Variants in RTN1 observed in about 807,000 individuals in gnomAD.
RTN1 encodes the protein reticulon 1, also known as reticulon-1.
RTN1 carries 25 observed loss-of-function variants against 65.5 expected under a neutral mutation model. The ratio of observed to expected loss-of-function variants is 0.38; its 90% CI spans 0.28 to 0.53. The LOEUF is 0.53. RTN1 is among the 20% of genes least tolerant of loss of function. The pLI is 0.79. For missense variants in RTN1, 983 were observed against 1,025.4 expected (o/e 0.96, Z 0.57); for synonymous variants, 471 against 447.6 (o/e 1.05, Z -0.66).
chr14:59,749,567 A>ATCTATC, intron 1 of RTN1, among the ~76,000 whole-genome samples: 1 of 38,762 alleles, frequency 2.6e-5, no homozygotes, highest in African/African-American at 2.4e-4. Flanking sequence ...ATCTATATAT[A>ATCTATC]GATATATATA....
At chr14:59,669,015 A>T (rs1187819696) in intron 3 of RTN1, among the ~76,000 whole-genome samples, 1 of 152,160 alleles carries the variant, frequency 6.6e-6, no homozygotes, top group African/African-American at 2.4e-5. Flanking sequence ...TGGGAGTGTA[A>T]ATTAGTTCAA....
chr14:59,749,123 T>G (rs1334632298), intron 1 of RTN1, among the ~76,000 whole-genome samples: 3 of 49,900 alleles, frequency 6.0e-5, no homozygotes, highest in Admixed American at 5.4e-4. Context: ...TATATATATA[T>G]AGATATATCT....
intron 1 of RTN1, among the ~76,000 whole-genome samples, chr14:59,789,545 A>G (rs987346580): frequency 1.3e-5 from 2 of 152,170 alleles, no homozygotes; most frequent in Non-Finnish European, 2.9e-5. Flanking sequence ...TGAAAGCCTC[A>G]TTGAAATGGA....
rs1386169097 is a variant in RTN1, at chr14:59,749,348, CTATA to C, written c.242-2871_242-2868del. ...TATATCTATATATATCTATATATAT[CTATA>C]TATATCTATATATATATCTATATAT... is the stretch of plus-strand genomic sequence containing the variant. On this transcript the variant is annotated intron_variant, in intron 1 of 8. Coordinates refer to ENST00000267484, the MANE Select transcript of RTN1 (RefSeq NM_021136.3). Among the ~76,000 whole-genome samples the C allele has an allele frequency of 4.5e-4, 15 of 33,490 alleles. 1 individual carries two copies. The highest frequency in any genetic ancestry group is 3.3e-3 in the South Asian group (4 of 1,214). The allele number at this position is 33,490 out of a possible 152,430, so 22.0% of individuals were successfully genotyped here.
chr14:59,602,677 A>C (rs1881616386), intron 8 of RTN1, among the ~76,000 whole-genome samples: 1 of 152,158 alleles, frequency 6.6e-6, no homozygotes, highest in South Asian at 2.1e-4. Flanking sequence ...AATTAGTGCT[A>C]TTCATTGTTT....
chr14:59,685,165 C>T (rs989999075), intron 3 of RTN1, among the ~76,000 whole-genome samples: 1 of 151,618 alleles, frequency 6.6e-6, no homozygotes, highest in Admixed American at 6.6e-5. Context: ...TAGGAATGTA[C>T]CTCAACACAA....
intron 1 of RTN1, among the ~76,000 whole-genome samples, chr14:59,842,637 T>C (rs1486708494): frequency 6.6e-6 from 1 of 152,180 alleles, no homozygotes; most frequent in Non-Finnish European, 1.5e-5. Flanking sequence ...TTGGCACTTA[T>C]AGAACATTTA....
intron 3 of RTN1, among the ~76,000 whole-genome samples, chr14:59,658,416 C>G (rs1173183712): frequency 6.6e-6 from 1 of 152,230 alleles, no homozygotes; most frequent in African/African-American, 2.4e-5. Context: ...CAAGTGGGTC[C>G]CTGACCCCTG....
At chr14:59,663,260 T>A (rs12885515) in intron 3 of RTN1, among the ~76,000 whole-genome samples, 44,281 of 152,020 alleles carry the variant, frequency 0.29, 7,546 homozygotes, top group Admixed American at 0.43. Context: ...TATACAAAAG[T>A]TAACTCGAGA....
At chr14:59,674,669 G>C (rs1171815920) in intron 3 of RTN1, among the ~76,000 whole-genome samples, 1 of 152,124 alleles carries the variant, frequency 6.6e-6, no homozygotes, top group Admixed American at 6.5e-5. Flanking sequence ...GTGTGTGTAT[G>C]TTATTCAACA....
At chr14:59,773,789 C>T (rs1886002364) in intron 1 of RTN1, among the ~76,000 whole-genome samples, 1 of 151,916 alleles carries the variant, frequency 6.6e-6, no homozygotes, top group Non-Finnish European at 1.5e-5. Context: ...TTTCTTCTAC[C>T]CTGGTTTCTA....
intron 1 of RTN1, among the ~76,000 whole-genome samples, chr14:59,759,146 A>G (rs1325549896): frequency 6.6e-6 from 1 of 152,230 alleles, no homozygotes; most frequent in East Asian, 1.9e-4. Flanking sequence ...ACAAAGAAGA[A>G]GGATTGGAAG....
At chr14:59,625,609 C>T (rs1882374989) in intron 3 of RTN1, among the ~76,000 whole-genome samples, 1 of 152,108 alleles carries the variant, frequency 6.6e-6, no homozygotes, top group Admixed American at 6.6e-5. Context: ...CCTTTAGTTT[C>T]ATTTTTATGC....
intron 3 of RTN1, among the ~76,000 whole-genome samples, chr14:59,706,846 G>T (rs571036838): frequency 6.6e-6 from 1 of 152,330 alleles, no homozygotes; most frequent in Non-Finnish European, 1.5e-5. Context: ...TAGCACTTAG[G>T]ATTGACAGGA....
intron 1 of RTN1, among the ~76,000 whole-genome samples, chr14:59,861,864 C>T (rs1887716360): frequency 1.3e-5 from 2 of 152,076 alleles, no homozygotes; most frequent in African/African-American, 4.8e-5. Flanking sequence ...TTCCAAAAGC[C>T]TCCCAATTGC....
At chr14:59,853,658 T>A (rs1001362097) in intron 1 of RTN1, among the ~76,000 whole-genome samples, 2 of 152,088 alleles carry the variant, frequency 1.3e-5, no homozygotes, top group African/African-American at 4.8e-5. Context: ...TTTGGGCATC[T>A]CGAGTTAACG....
chr14:59,676,451 G>A (rs1732525986), intron 3 of RTN1, among the ~76,000 whole-genome samples: 1 of 152,148 alleles, frequency 6.6e-6, no homozygotes, highest in South Asian at 2.1e-4. Context: ...TAGTTATATG[G>A]CCTTAAAGGT....
chr14:59,750,062 ATAT>A (rs1885416456), intron 1 of RTN1, among the ~76,000 whole-genome samples: 1 of 36,956 alleles, frequency 2.7e-5, no homozygotes, highest in African/African-American at 1.3e-4. Flanking sequence ...TTATATACAT[ATAT>A]TATATATTAT....
At chr14:59,739,330 G>T (rs1442019730) in intron 2 of RTN1, among the ~76,000 whole-genome samples, 1 of 152,064 alleles carries the variant, frequency 6.6e-6, no homozygotes, top group Non-Finnish European at 1.5e-5. Context: ...GGGAGGCCAG[G>T]AGTTCGGGGA....
Sources: allele counts gnomAD v4.1 joint callset (sites outside exome capture counted in the v4.1 genomes callset), GRCh38; gene constraint gnomAD v4.1.1; transcripts MANE v1.5; gene names NCBI Gene and HGNC (gene_info 2026-07-23, HGNC 2026-07-21).